The following RSPO2 variants were observed in gnomAD, a reference collection of about 807,000 sequenced individuals.
RSPO2 encodes the protein R-spondin 2, also known as R-spondin-2.
In RSPO2, 14 loss-of-function variants were observed where a neutral mutation model predicts 30.9. The observed-to-expected ratio is 0.45, with a 90% CI of 0.30 to 0.71. RSPO2 has a LOEUF of 0.71. Among genes scored for constraint, RSPO2 ranks in the 30% least tolerant of loss-of-function variants. The pLI is 0.08. For synonymous variants in RSPO2, 107 were observed against 96.4 expected (o/e 1.11, Z -0.64); for missense variants, 264 against 301.9 (o/e 0.87, Z 0.93).
In RSPO2 at chr8:108,066,599, G is replaced by A. The variant is rs62537974; in HGVS notation, c.94+15946C>T. ...CTCACCCACTGTCCCAGCTAAACACGTATCAACTCTCTTTTCTAAGAACCT... is the reference window on the plus strand; with the variant it reads ...CTCACCCACTGTCCCAGCTAAACACATATCAACTCTCTTTTCTAAGAACCT... On this transcript the variant is annotated intron_variant, in intron 2 of 5. Coordinates refer to ENST00000276659, the MANE Select transcript of RSPO2 (RefSeq NM_178565.5). Among the ~76,000 whole-genome samples, 555 of 152,084 alleles carry A rather than the reference G, an allele frequency of 3.6e-3. 3 individuals carry two copies. The highest frequency in any genetic ancestry group is 6.6e-3 in the East Asian group (34 of 5,164).
At chr8:108,041,719 C>CATTT (rs1254162019) in intron 2 of RSPO2, among the ~76,000 whole-genome samples, 16 of 152,060 alleles carry the variant, frequency 1.1e-4, no homozygotes, top group African/African-American at 3.6e-4. Flanking sequence ...TACAGAAAAC[C>CATTT]ATTTGGAAGA....
At chr8:108,023,257 G>C (rs1811109445) in intron 2 of RSPO2, among the ~76,000 whole-genome samples, 1 of 152,068 alleles carries the variant, frequency 6.6e-6, no homozygotes, top group Non-Finnish European at 1.5e-5. Context: ...ATCACTTTAA[G>C]CAAATTCAGG....
intron 2 of RSPO2, among the ~76,000 whole-genome samples, chr8:108,030,797 A>T (rs1811395442): frequency 6.6e-6 from 1 of 152,182 alleles, no homozygotes; most frequent in African/African-American, 2.4e-5. Context: ...AAGAAAAGCC[A>T]TTCCATTTTA....
chr8:108,035,965 CA>C (rs1811584003), intron 2 of RSPO2, among the ~76,000 whole-genome samples: 1 of 152,118 alleles, frequency 6.6e-6, no homozygotes, highest in African/African-American at 2.4e-5. Flanking sequence ...AAATATATTA[CA>C]AAGATAGAGA....
chr8:107,919,536 T>A (rs982481170), intron 5 of RSPO2, among the ~76,000 whole-genome samples: 3 of 152,134 alleles, frequency 2.0e-5, no homozygotes, highest in Non-Finnish European at 4.4e-5. Context: ...ATTCTGACCC[T>A]CTGTAACCTG....
chr8:108,047,000 G>A (rs900328420), intron 2 of RSPO2, among the ~76,000 whole-genome samples: 2 of 152,178 alleles, frequency 1.3e-5, no homozygotes, highest in African/African-American at 4.8e-5. Flanking sequence ...GAGAGAGAAA[G>A]GAGAAAATCA....
chr8:107,919,186 G>GA lies in RSPO2; in HGVS notation c.617-17997dup, dbSNP rs562107237. ...TCCCCTGATCAGCACGAAGAAGTTA[G>GA]AGCAGTTGTCACCCTTTTTCCACCT... On this transcript the variant is annotated intron_variant, in intron 5 of 5. Coordinates refer to ENST00000276659, the MANE Select transcript of RSPO2 (RefSeq NM_178565.5). Among the ~76,000 whole-genome samples the GA allele has an allele frequency of 2.0e-3, 297 of 152,122 alleles. 4 individuals carry two copies. Among genetic ancestry groups the GA allele is most frequent in the African/African-American group, 6.8e-3 (281 of 41,518 alleles).
At chr8:107,966,057 G>A (rs1353009169) in intron 3 of RSPO2, among the ~76,000 whole-genome samples, 1 of 152,172 alleles carries the variant, frequency 6.6e-6, no homozygotes, top group Admixed American at 6.5e-5. Context: ...CCAGTGAGGA[G>A]TGGCTTGGAG....
chr8:108,053,536 T>A (rs536185026), intron 2 of RSPO2, among the ~76,000 whole-genome samples: 4 of 152,152 alleles, frequency 2.6e-5, no homozygotes, highest in South Asian at 2.1e-4. Flanking sequence ...TGATTTACAC[T>A]ATATAATAAA....
At chr8:108,030,944 G>GA (rs11336451) in intron 2 of RSPO2, among the ~76,000 whole-genome samples, 3 of 152,180 alleles carry the variant, frequency 2.0e-5, no homozygotes, top group Non-Finnish European at 4.4e-5. Context: ...CGAGGTCCCT[G>GA]AAAAAAATGG....
chr8:107,920,684 CTT>C (rs1244748493), intron 5 of RSPO2, among the ~76,000 whole-genome samples: 1 of 152,078 alleles, frequency 6.6e-6, no homozygotes, highest in Non-Finnish European at 1.5e-5. Flanking sequence ...GCCAGAAAGA[CTT>C]TATTTTAGAA....
intron 2 of RSPO2, chr8:108,082,088 G>T (rs1586687459): frequency 5.1e-6 from 1 of 196,856 alleles, no homozygotes; most frequent in South Asian, 1.6e-4. Context: ...GGTCAAGTCC[G>T]AAGAGATCTG....
At chr8:108,023,211 A>G (rs1811108437) in intron 2 of RSPO2, among the ~76,000 whole-genome samples, 1 of 152,136 alleles carries the variant, frequency 6.6e-6, no homozygotes, top group Admixed American at 6.5e-5. Flanking sequence ...ACTAAGAACA[A>G]TCTCTCTTCA....
At chr8:108,036,652 T>A (rs1811607337) in intron 2 of RSPO2, among the ~76,000 whole-genome samples, 1 of 152,222 alleles carries the variant, frequency 6.6e-6, no homozygotes, top group African/African-American at 2.4e-5. Context: ...CACTTTATTG[T>A]GCTTCACAGA....
chr8:107,965,226 C>A (rs567312060), intron 3 of RSPO2, among the ~76,000 whole-genome samples: 1 of 152,100 alleles, frequency 6.6e-6, no homozygotes, highest in Non-Finnish European at 1.5e-5. Context: ...TGTAACCCAC[C>A]GAATGAGGAC....
chr8:108,007,487 C>G (rs998070542), intron 2 of RSPO2, among the ~76,000 whole-genome samples: 1 of 152,122 alleles, frequency 6.6e-6, no homozygotes, highest in Non-Finnish European at 1.5e-5. Flanking sequence ...AAACTAGAAT[C>G]ACCAATAATG....
chr8:107,913,172 G>A (rs1811874475), intron 5 of RSPO2, among the ~76,000 whole-genome samples: 1 of 152,058 alleles, frequency 6.6e-6, no homozygotes, highest in Non-Finnish European at 1.5e-5. Context: ...AGTAGAGTTG[G>A]GATTTGAACT....
intron 2 of RSPO2, among the ~76,000 whole-genome samples, chr8:107,994,130 G>A (rs1814937826): frequency 2.0e-5 from 3 of 152,096 alleles, no homozygotes; most frequent in Admixed American, 6.6e-5. Flanking sequence ...TAAAGGGGTT[G>A]ATGGAAATGT....
At chr8:107,928,058 G>A (rs563721742) in intron 5 of RSPO2, among the ~76,000 whole-genome samples, 11 of 152,076 alleles carry the variant, frequency 7.2e-5, no homozygotes, top group Admixed American at 7.2e-4. Flanking sequence ...CTATATATAT[G>A]CCTTAAAATA....
Sources: gnomAD v4.1 joint callset for allele counts (sites outside exome capture counted in the v4.1 genomes callset) on GRCh38, gnomAD v4.1.1 for gene constraint, MANE v1.5 for transcripts, NCBI Gene and HGNC (gene_info 2026-07-23, HGNC 2026-07-21) for gene names.